IMPG2: variants seen among roughly 807,000 people sequenced by gnomAD.
IMPG2 encodes the protein interphotoreceptor matrix proteoglycan 2, also known as IPM 200.
Under a neutral mutation model 129.2 loss-of-function variants are expected in IMPG2, and 91 were observed. The observed-to-expected ratio is 0.70, with a 90% CI of 0.59 to 0.84. IMPG2 has a LOEUF of 0.84. Among genes scored for constraint, IMPG2 ranks in the 40% least tolerant of loss-of-function variants. The pLI is 0.00. For missense variants in IMPG2, 1,430 were observed against 1,461.7 expected (o/e 0.98, Z 0.35); for synonymous variants, 510 against 517.7 (o/e 0.99, Z 0.20).
chr3:101,258,260 A>G (rs1488628609), intron 9 of IMPG2, among the ~76,000 whole-genome samples: 7 of 152,148 alleles, frequency 4.6e-5, no homozygotes, highest in Admixed American at 4.6e-4. Flanking sequence ...AAAACTTGGT[A>G]CTAAAGCAAA....
chr3:101,256,120 G>T (rs919001280), intron 10 of IMPG2, among the ~76,000 whole-genome samples: 1 of 94,212 alleles, frequency 1.1e-5, no homozygotes, highest in Non-Finnish European at 2.2e-5. Context: ...GAAAGAAAAA[G>T]AAAGAGAGAA....
intron 17 of IMPG2, 74 bp downstream of exon 17, chr3:101,229,306 A>T: frequency 5.5e-6 from 2 of 362,592 alleles, no homozygotes; most frequent in Non-Finnish European, 1.1e-5. Flanking sequence ...ACACACCCCC[A>T]CCCACCACCC....
chr3:101,318,253 A>G (rs1308102632), intron 2 of IMPG2, among the ~76,000 whole-genome samples: 1 of 151,496 alleles, frequency 6.6e-6, no homozygotes, highest in East Asian at 1.9e-4. Flanking sequence ...ATCCTCATTC[A>G]CCTTCAGTTC....
At chr3:101,314,812 A>T (rs1559661480) in intron 2 of IMPG2, among the ~76,000 whole-genome samples, 1 of 152,166 alleles carries the variant, frequency 6.6e-6, no homozygotes, top group Non-Finnish European at 1.5e-5. Flanking sequence ...AAATGGAGGG[A>T]TATATCATGT....
chr3:101,242,409 C>A (rs1440541902), intron 14 of IMPG2, among the ~76,000 whole-genome samples: 1 of 152,038 alleles, frequency 6.6e-6, no homozygotes, highest in Non-Finnish European at 1.5e-5. Flanking sequence ...AAGAATAGAT[C>A]CAGTAGGTAA....
chr3:101,319,932 A>G, intron 1 of IMPG2, 100 bp from the exon 2 acceptor site: 3 of 1,262,746 alleles, frequency 2.4e-6, no homozygotes, highest in Non-Finnish European at 3.4e-6. Context: ...TAAGATAGAG[A>G]AGCCAGTGCC....
chr3:101,288,518 C>T (rs192089430), intron 4 of IMPG2, among the ~76,000 whole-genome samples: 45 of 152,146 alleles, frequency 3.0e-4, no homozygotes, highest in Non-Finnish European at 5.3e-4. Flanking sequence ...TACTATGCAG[C>T]GATGAAAAAG....
intron 9 of IMPG2, 71 bp from the exon 10 acceptor site, chr3:101,257,844 A>G (rs1477818991): frequency 6.5e-7 from 1 of 1,542,784 alleles, no homozygotes; most frequent in Admixed American, 1.7e-5. Flanking sequence ...TGAACCCATG[A>G]AGAACAAACA....
At chr3:101,284,899 C>T (rs999917594) in intron 4 of IMPG2, among the ~76,000 whole-genome samples, 7 of 152,092 alleles carry the variant, frequency 4.6e-5, no homozygotes, top group Admixed American at 4.6e-4. Flanking sequence ...AGAACCATTA[C>T]TGAATTCTTG....
At chr3:101,310,738 G>A (rs1272383313) in intron 2 of IMPG2, among the ~76,000 whole-genome samples, 1 of 152,070 alleles carries the variant, frequency 6.6e-6, no homozygotes, top group Non-Finnish European at 1.5e-5. Context: ...ACATTATTGT[G>A]TGCCGAAGAA....
chr3:101,228,800 T>C lies in IMPG2; in HGVS notation c.3710A>G (p.Gln1237Arg). 2.5e-6 allele frequency: 4 copies of C among 1,613,302 alleles called. No homozygotes were observed. The highest frequency in any genetic ancestry group is 3.4e-6 in the Non-Finnish European group (4 of 1,179,322). ...PEFAAFVREQ[Q>R]VEEV The stretch of plus-strand genomic sequence containing the variant: ...GGGGGCTGTTTCAAAAGCTTACACT[T>C]GTTGCTCTCTCACAAAAGCTGCAAA... Residue 1237 changes from glutamine to arginine, a missense_variant, in exon 18 of 19, where the codon CAA becomes CGA. Coordinates refer to ENST00000193391, the MANE Select transcript of IMPG2 (RefSeq NM_016247.4).
chr3:101,276,732 G>A lies in IMPG2; in HGVS notation c.534-19C>T. 1 of 1,595,750 alleles carries A rather than the reference G, an allele frequency of 6.3e-7. No individual in the cohort carries two copies. On this transcript the variant is annotated intron_variant, in intron 4 of 18. Transcript: ENST00000193391. ...TTCAGAGCTAGAAAAAAAAATGTTT[G>A]CAGTTAATAAAATGACAGACACATG...
At chr3:101,289,288 T>C (rs1321169129) in intron 4 of IMPG2, among the ~76,000 whole-genome samples, 2 of 152,158 alleles carry the variant, frequency 1.3e-5, no homozygotes, top group Non-Finnish European at 1.5e-5. Flanking sequence ...TTTTACACAG[T>C]AAAAGGCAGT....
rs1243018275 is a variant in IMPG2 at position 101,231,035 on chromosome 3, A to T, written c.3344T>A (p.Ile1115Asn). The change falls in exon 16 of 19, where the codon ATC (isoleucine) becomes AAC (asparagine). Residue 1115 changes from isoleucine to asparagine, a missense_variant. Transcript: ENST00000193391. ...TIASVVGLLV[I>N]FSAIIYFFIR... ...GAAGAAGTAGATGATAGCAGAAAAGATGACAAGAAGTCCAACCACGGAGGC... is the reference window on the plus strand; with the variant it reads ...GAAGAAGTAGATGATAGCAGAAAAGTTGACAAGAAGTCCAACCACGGAGGC... The T allele has an allele frequency of 6.2e-7, 1 of 1,614,068 alleles. No homozygotes were observed. Among genetic ancestry groups the T allele is most frequent in the Non-Finnish European group, 8.5e-7 (1 of 1,180,002 alleles).
chr3:101,291,360 T>C, intron 4 of IMPG2, 119 bp downstream of exon 4: 1 of 851,042 alleles, frequency 1.2e-6, no homozygotes, highest in Non-Finnish European at 2.0e-6. Context: ...TCCACAGGCC[T>C]GGTCATTGCG....
rs371833239 is a variant in IMPG2, at chr3:101,228,367, A to C, written c.3713+430T>G. On this transcript the variant is annotated intron_variant, in intron 18 of 18. Coordinates refer to ENST00000193391, the MANE Select transcript of IMPG2 (RefSeq NM_016247.4). ...ACTTATGGCTACTCAAATGTTCTTCAAAGGAACTATCTATGAAAAATATTT... is the reference window on the plus strand; with the variant it reads ...ACTTATGGCTACTCAAATGTTCTTCCAAGGAACTATCTATGAAAAATATTT... Among the ~76,000 whole-genome samples the C allele has an allele frequency of 2.4e-4, 37 of 152,362 alleles. No individual in the cohort carries two copies. In the East Asian group the frequency reaches 4.6e-3, roughly 19 times the overall value.
intron 3 of IMPG2, among the ~76,000 whole-genome samples, chr3:101,291,713 T>C (rs1707011268): frequency 6.6e-6 from 1 of 152,194 alleles, no homozygotes; most frequent in South Asian, 2.1e-4. Flanking sequence ...ATTCAGTCTC[T>C]GCTTATATGC....
chr3:101,233,071 TC>T, intron 14 of IMPG2, 80 bp from the exon 15 acceptor site: 1 of 1,284,344 alleles, frequency 7.8e-7, no homozygotes, highest in Non-Finnish European at 1.1e-6. Context: ...ATTAAAGTTC[TC>T]CCCCAAAGTA....
chr3:101,278,393 C>G (rs1405767100), intron 4 of IMPG2, among the ~76,000 whole-genome samples: 1 of 152,178 alleles, frequency 6.6e-6, no homozygotes, highest in Non-Finnish European at 1.5e-5. Context: ...GATCAACCTA[C>G]TGCTCTAAAG....
Sources: allele counts gnomAD v4.1 joint callset (sites outside exome capture counted in the v4.1 genomes callset), GRCh38; gene constraint gnomAD v4.1.1; transcripts MANE v1.5; gene names NCBI Gene and HGNC (gene_info 2026-07-23, HGNC 2026-07-21).